Variants in DPP10 observed in about 807,000 individuals in gnomAD.
DPP10 encodes inactive dipeptidyl peptidase 10.
Under a neutral mutation model 120.9 loss-of-function variants are expected in DPP10, and 33 were observed. The observed-to-expected ratio is 0.27, with a 90% CI of 0.21 to 0.37. DPP10 has a LOEUF of 0.37. DPP10 is among the 10% of genes least tolerant of loss of function. DPP10 has a pLI of 1.00. For synonymous variants in DPP10, 337 were observed against 326.1 expected, an observed-to-expected ratio of 1.03 and a Z score of -0.36; for missense variants, 816 against 942.8, an observed-to-expected ratio of 0.87 and a Z score of 1.76.
intron 1 of DPP10, among the ~76,000 whole-genome samples, chr2:114,902,764 C>G (rs909381064): frequency 6.6e-6 from 1 of 152,172 alleles, no homozygotes; most frequent in African/African-American, 2.4e-5. Flanking sequence ...ACCAGAGTGG[C>G]ACATTTGTTA....
chr2:114,829,182 G>A (rs189171658), intron 1 of DPP10, among the ~76,000 whole-genome samples: 42 of 151,832 alleles, frequency 2.8e-4, no homozygotes, highest in East Asian at 2.0e-3. Context: ...TCAGCTACTC[G>A]GGAGGCTGAA....
At chr2:115,822,630 A>G (rs1289136234) in intron 21 of DPP10, among the ~76,000 whole-genome samples, 1 of 151,944 alleles carries the variant, frequency 6.6e-6, no homozygotes, top group Non-Finnish European at 1.5e-5. Flanking sequence ...TAGTATGTGC[A>G]TAGTTATAGA....
chr2:115,696,440 T>C (rs1326344976), intron 7 of DPP10, among the ~76,000 whole-genome samples: 1 of 152,206 alleles, frequency 6.6e-6, no homozygotes, highest in African/African-American at 2.4e-5. Flanking sequence ...GACAGTGGGC[T>C]GATGTGTTCA....
chr2:114,652,291 T>A (rs1481893010), intron 1 of DPP10, among the ~76,000 whole-genome samples: 1 of 152,110 alleles, frequency 6.6e-6, no homozygotes, highest in Non-Finnish European at 1.5e-5. Context: ...TCTACCTAAT[T>A]AAGGAGGCAG....
chr2:114,742,564 T>C (rs1396626366), intron 1 of DPP10, among the ~76,000 whole-genome samples: 2 of 152,232 alleles, frequency 1.3e-5, no homozygotes, highest in Non-Finnish European at 2.9e-5. Flanking sequence ...TTTTTTGAAA[T>C]TCTTCTTTGA....
chr2:114,556,046 G>A (rs1688267613), intron 1 of DPP10, among the ~76,000 whole-genome samples: 1 of 151,828 alleles, frequency 6.6e-6, no homozygotes, highest in African/African-American at 2.4e-5. Context: ...TAAGGAGATG[G>A]CAGAAGGAAT....
chr2:115,327,422 A>G (rs565176548), intron 2 of DPP10, among the ~76,000 whole-genome samples: 3 of 152,188 alleles, frequency 2.0e-5, no homozygotes, highest in Admixed American at 2.0e-4. Context: ...TTATTGAGAA[A>G]TGATCAAACT....
At chr2:115,702,993 A>T (rs1188775569) in intron 7 of DPP10, among the ~76,000 whole-genome samples, 1 of 151,988 alleles carries the variant, frequency 6.6e-6, no homozygotes, top group Non-Finnish European at 1.5e-5. Flanking sequence ...GGTCAGAATT[A>T]CTCATTGTAG....
intron 1 of DPP10, among the ~76,000 whole-genome samples, chr2:114,497,281 GTGTATA>G (rs1682680977): frequency 4.4e-4 from 16 of 36,764 alleles, no homozygotes; most frequent in East Asian, 2.4e-3. Context: ...ACATGTATAC[GTGTATA>G]CATGTACATG....
intron 1 of DPP10, among the ~76,000 whole-genome samples, chr2:114,651,154 C>T (rs1252423685): frequency 1.3e-5 from 2 of 152,120 alleles, no homozygotes; most frequent in African/African-American, 4.8e-5. Flanking sequence ...TAGAGCAGCC[C>T]TCCCACTCAG....
intron 1 of DPP10, among the ~76,000 whole-genome samples, chr2:114,516,562 C>T (rs1029427286): frequency 2.0e-5 from 3 of 152,194 alleles, no homozygotes; most frequent in African/African-American, 4.8e-5. Flanking sequence ...AATATGTCTA[C>T]TAGGAGAAAT....
At chr2:115,056,037 A>G (rs905000214) in intron 1 of DPP10, among the ~76,000 whole-genome samples, 2 of 152,234 alleles carry the variant, frequency 1.3e-5, no homozygotes, top group African/African-American at 4.8e-5. Context: ...CTAGCTTAAT[A>G]AATAATATAT....
intron 1 of DPP10, among the ~76,000 whole-genome samples, chr2:114,482,137 GGAT>G (rs1490299570): frequency 6.6e-6 from 1 of 151,958 alleles, no homozygotes; most frequent in African/African-American, 2.4e-5. Flanking sequence ...TTACAATTTG[GGAT>G]GATATTTGGG....
At position 114,812,628 on chromosome 2, in the gene DPP10, A is replaced by T. The variant is rs183503844; in HGVS notation, c.60+369790A>T. On this transcript the variant is annotated intron_variant, in intron 1 of 25. Transcript: ENST00000410059. ...CACACACACACACACAATTATAATT[A>T]AAAAAAAACGAGCAGTATCAATGTC... Among the ~76,000 whole-genome samples, 374 of 150,224 alleles carry T rather than the reference A, an allele frequency of 2.5e-3. 1 individual carries two copies. Among genetic ancestry groups the T allele is most frequent in the African/African-American group, 7.2e-3 (291 of 40,526 alleles).
intron 19 of DPP10, among the ~76,000 whole-genome samples, chr2:115,812,377 A>G (rs984294276): frequency 1.8e-4 from 28 of 152,200 alleles, no homozygotes; most frequent in African/African-American, 6.5e-4. Flanking sequence ...GCTGTGTCCT[A>G]TGCATACTAG....
At chr2:114,656,268 T>C (rs1007233165) in intron 1 of DPP10, among the ~76,000 whole-genome samples, 1 of 152,084 alleles carries the variant, frequency 6.6e-6, no homozygotes, top group African/African-American at 2.4e-5. Flanking sequence ...AACTTTGGGA[T>C]GTATCAGTTA....
intron 1 of DPP10, among the ~76,000 whole-genome samples, chr2:115,233,749 G>C (rs564142601): frequency 6.6e-6 from 1 of 152,248 alleles, no homozygotes; most frequent in East Asian, 1.9e-4. Context: ...CCTCTTGTGG[G>C]CGTGGACAGG....
At chr2:115,554,344 T>TC (rs2080076858) in intron 5 of DPP10, among the ~76,000 whole-genome samples, 1 of 151,582 alleles carries the variant, frequency 6.6e-6, no homozygotes, top group Non-Finnish European at 1.5e-5. Flanking sequence ...ATTGTCACTG[T>TC]CCCCCACCAA....
chr2:115,177,488 A>G (rs924764840), intron 1 of DPP10, among the ~76,000 whole-genome samples: 22 of 152,296 alleles, frequency 1.4e-4, no homozygotes, highest in African/African-American at 4.6e-4. Flanking sequence ...TAATTTCTGA[A>G]TAACATATTC....
Sources: allele counts gnomAD v4.1 joint callset (sites outside exome capture counted in the v4.1 genomes callset), GRCh38; gene constraint gnomAD v4.1.1; transcripts MANE v1.5; gene names NCBI Gene and HGNC (gene_info 2026-07-23, HGNC 2026-07-21).